AP2B1: variants seen among roughly 807,000 people sequenced by gnomAD.
AP2B1 encodes the protein AP-2 complex subunit beta.
Under a neutral mutation model 102.0 loss-of-function variants are expected in AP2B1, and 23 were observed. The ratio of observed to expected loss-of-function variants is 0.23; its 90% CI spans 0.16 to 0.32. The LOEUF (loss-of-function observed/expected upper bound fraction) is 0.32, where lower values mean the gene tolerates loss of function less well. Ranked by LOEUF, AP2B1 falls within the 10% of genes least tolerant of loss-of-function variation. The pLI is 1.00. For synonymous variants in AP2B1, 381 were observed against 421.2 expected (o/e 0.90, Z 1.17); for missense variants, 541 against 1,157.4 (o/e 0.47, Z 7.73).
intron 20 of AP2B1, among the ~76,000 whole-genome samples, chr17:35,715,402 T>TG (rs2076532494): frequency 6.6e-6 from 1 of 152,250 alleles, no homozygotes; most frequent in Non-Finnish European, 1.5e-5. Context: ...ATCTGGCCCT[T>TG]GCCACATGTA....
chr17:35,704,321 T>G (rs2076297975), intron 18 of AP2B1, among the ~76,000 whole-genome samples: 1 of 152,198 alleles, frequency 6.6e-6, no homozygotes, highest in Admixed American at 6.5e-5. Context: ...AACCCATACA[T>G]CATCCCATCC....
Position 35,723,927 on chromosome 17 carries a change from G to C in AP2B1, c.*228G>C. The C allele has an allele frequency of 2.2e-6, 1 of 448,512 alleles. No homozygotes were observed. The allele number at this position is 448,512 out of a possible 1,614,324, so 27.8% of individuals were successfully genotyped here. On this transcript the variant is annotated 3_prime_UTR_variant, in exon 22 of 22. Transcript: ENST00000610402. ...AGTCACCTCCCACCTCTTGCCACCT[G>C]CTGCTGCTATCTGTCCTTACTTGTG...
At chr17:35,588,207 G>C (rs1235941505) in intron 1 of AP2B1, among the ~76,000 whole-genome samples, 2 of 104,556 alleles carry the variant, frequency 1.9e-5, no homozygotes, top group African/African-American at 7.6e-5. Flanking sequence ...CATGCTGCTT[G>C]TTTTCAAGAG....
At chr17:35,670,829 T>G in intron 14 of AP2B1, 28 bp from the exon 15 acceptor site, 1 of 1,612,550 alleles carries the variant, frequency 6.2e-7, no homozygotes, top group Middle Eastern at 1.7e-4. Flanking sequence ...TCTACCTCTC[T>G]CTCCTCTCTC....
intron 14 of AP2B1, among the ~76,000 whole-genome samples, chr17:35,668,189 G>A (rs7217378): frequency 0.87 from 132,328 of 152,052 alleles, 57,991 homozygotes; most frequent in African/African-American, 0.97. Flanking sequence ...AACCGGCCTC[G>A]GCTTCCCAAA....
chr17:35,626,808 G>T lies in AP2B1; in HGVS notation c.904G>T (p.Ala302Ser), dbSNP rs1040111727. The T allele has an allele frequency of 6.2e-7, 1 of 1,613,862 alleles. No individual in the cohort carries two copies. The highest frequency in any genetic ancestry group is 8.5e-7 in the Non-Finnish European group (1 of 1,179,952). ...LSGEPEVQYV[A>S]LRNINLIVQK... Reference sequence around the variant, plus strand: ...TGGGGAGCCAGAAGTGCAGTATGTCGCCCTGAGGAACATCAACTTAATTGT... The same window carrying T: ...TGGGGAGCCAGAAGTGCAGTATGTCTCCCTGAGGAACATCAACTTAATTGT... The change falls in exon 7 of 22, where the codon GCC (alanine) becomes TCC (serine). Residue 302 changes from alanine (A) to serine (S), a missense_variant. Ala to Ser is a moderately conservative substitution (Grantham distance 99). Around this residue, in one of 10 missense-constraint regions of AP2B1, gnomAD observed 134 missense variants for 250.2 expected, o/e 0.54. Coordinates refer to ENST00000610402, the MANE Select transcript of AP2B1 (RefSeq NM_001030006.2).
intron 20 of AP2B1, among the ~76,000 whole-genome samples, chr17:35,712,012 T>C (rs1555587804): frequency 1.3e-5 from 2 of 152,218 alleles, no homozygotes; most frequent in African/African-American, 4.8e-5. Flanking sequence ...TTCAGGCAGA[T>C]GTTTGCCTCT....
chr17:35,686,373 C>T (rs1461987472), intron 18 of AP2B1, among the ~76,000 whole-genome samples: 2 of 152,192 alleles, frequency 1.3e-5, no homozygotes, highest in Non-Finnish European at 2.9e-5. Context: ...CTCTTGATGT[C>T]CTTGTTTCTC....
At chr17:35,653,435 C>T (rs2075139112) in intron 13 of AP2B1, among the ~76,000 whole-genome samples, 1 of 152,156 alleles carries the variant, frequency 6.6e-6, no homozygotes. Flanking sequence ...CTCTGACTGC[C>T]AGTCCCTTGG....
intron 1 of AP2B1, among the ~76,000 whole-genome samples, chr17:35,589,152 G>A (rs2142262873): frequency 6.6e-6 from 1 of 152,298 alleles, no homozygotes; most frequent in Middle Eastern, 3.4e-3. Flanking sequence ...AATCACAGGT[G>A]ATTTTAGCTT....
intron 5 of AP2B1, among the ~76,000 whole-genome samples, chr17:35,614,733 C>T (rs925661602): frequency 2.0e-5 from 3 of 150,660 alleles, no homozygotes; most frequent in African/African-American, 4.9e-5. Context: ...TCAGAATAGC[C>T]TCAATTCAGG....
At chr17:35,665,667 A>C (rs899643940) in intron 14 of AP2B1, among the ~76,000 whole-genome samples, 1 of 152,254 alleles carries the variant, frequency 6.6e-6, no homozygotes, top group Non-Finnish European at 1.5e-5. Flanking sequence ...TTGGTAAGCT[A>C]TATGGCTTGG....
At chr17:35,674,347 A>G (rs1807200389) in intron 17 of AP2B1, 26 bp downstream of exon 17, 1 of 1,612,720 alleles carries the variant, frequency 6.2e-7, no homozygotes, top group Non-Finnish European at 8.5e-7. Context: ...CCCTAGCTTG[A>G]TGTTGAGACA....
intron 1 of AP2B1, among the ~76,000 whole-genome samples, chr17:35,590,435 T>G (rs1275415979): frequency 6.6e-6 from 1 of 152,220 alleles, no homozygotes; most frequent in Non-Finnish European, 1.5e-5. Flanking sequence ...TCAGTGGCAT[T>G]TAGTACACTG....
At chr17:35,722,764 A>G (rs61515677) in intron 21 of AP2B1, among the ~76,000 whole-genome samples, 19,292 of 152,170 alleles carry the variant, frequency 0.13, 1,279 homozygotes, top group Middle Eastern at 0.16. Context: ...TATAGCTATT[A>G]AATTTTCTGG....
At chr17:35,669,314 T>C (rs911723187) in intron 14 of AP2B1, among the ~76,000 whole-genome samples, 2 of 152,136 alleles carry the variant, frequency 1.3e-5, no homozygotes, top group African/African-American at 2.4e-5. Flanking sequence ...CTGCTAATTT[T>C]TGTATTTTTA....
Position 35,627,483 on chromosome 17 carries a change from C to T in AP2B1, c.1037C>T (p.Ala346Val). 6.2e-7 allele frequency: 1 copy of T among 1,614,068 alleles called. No individual in the cohort carries two copies. The highest frequency in any genetic ancestry group is 8.5e-7 in the Non-Finnish European group (1 of 1,180,014). Residue 346 changes from alanine to valine, a missense_variant, in exon 8 of 22, where the codon GCA becomes GTA. Ala to Val is a moderately conservative substitution (Grantham distance 64, BLOSUM62 0). Around this residue, in one of 10 missense-constraint regions of AP2B1, gnomAD observed 134 missense variants for 250.2 expected, o/e 0.54. Transcript: ENST00000610402. Reference protein sequence around the residue: ...LEKLDIMIRLASQANIAQVLA... With the variant: ...LEKLDIMIRLVSQANIAQVLA... ...AAGTTGGACATCATGATTCGTTTGG[C>T]ATCTCAAGCCAACATTGCTCAGGTC...
chr17:35,651,714 G>GAA (rs11389910), intron 13 of AP2B1, among the ~76,000 whole-genome samples: 10 of 147,738 alleles, frequency 6.8e-5, no homozygotes, highest in South Asian at 2.1e-4. Flanking sequence ...ACAGATAAAG[G>GAA]AAAAAAAAAA....
chr17:35,635,489 A>G (rs536484606), intron 9 of AP2B1, among the ~76,000 whole-genome samples: 8 of 151,968 alleles, frequency 5.3e-5, no homozygotes, highest in Admixed American at 3.3e-4. Flanking sequence ...GATTCAAGCA[A>G]TTCTCTGCGT....
Sources: allele counts gnomAD v4.1 joint callset (sites outside exome capture counted in the v4.1 genomes callset), GRCh38; gene constraint gnomAD v4.1.1; regional missense constraint gnomAD v4.1.1; transcripts MANE v1.5; gene names NCBI Gene and HGNC (gene_info 2026-07-23, HGNC 2026-07-21).